The following ELMO1 variants were observed in gnomAD, a reference collection of about 807,000 sequenced individuals.
ELMO1 encodes engulfment and cell motility protein 1.
Under a neutral mutation model 98.9 loss-of-function variants are expected in ELMO1, and 26 were observed. That is an observed-to-expected ratio of 0.26 (90% CI 0.19 to 0.36). The LOEUF (loss-of-function observed/expected upper bound fraction) is 0.36, where lower values mean the gene tolerates loss of function less well. Among genes scored for constraint, ELMO1 ranks in the 10% least tolerant of loss-of-function variants. The probability of loss-of-function intolerance (pLI) is 1.00; values close to 1 mark genes in which losing one functional copy is unlikely to be tolerated. For synonymous variants in ELMO1, 346 were observed against 346.0 expected (o/e 1.00, Z 0.00); for missense variants, 627 against 935.2 (o/e 0.67, Z 4.30).
chr7:37,337,100 C>T (rs1039210397), intron 2 of ELMO1, among the ~76,000 whole-genome samples: 1 of 152,090 alleles, frequency 6.6e-6, no homozygotes, highest in Admixed American at 6.5e-5. Context: ...CACATGCACA[C>T]GTATGTTTAT....
At chr7:37,318,749 G>A (rs1371802193) in intron 2 of ELMO1, among the ~76,000 whole-genome samples, 1 of 152,104 alleles carries the variant, frequency 6.6e-6, no homozygotes, top group East Asian at 1.9e-4. Flanking sequence ...ACATAATGGT[G>A]GGCCCCTCCA....
chr7:37,155,131 C>T (rs1320626234), intron 13 of ELMO1, among the ~76,000 whole-genome samples: 1 of 152,160 alleles, frequency 6.6e-6, no homozygotes, highest in African/African-American at 2.4e-5. Flanking sequence ...CACCACCAGG[C>T]CTGCCTTACA....
intron 2 of ELMO1, among the ~76,000 whole-genome samples, chr7:37,323,232 T>G (rs1799616429): frequency 1.3e-5 from 2 of 152,250 alleles, no homozygotes; most frequent in Admixed American, 1.3e-4. Flanking sequence ...AAGTACCAGG[T>G]GTCAATAGCT....
chr7:37,030,482 T>G (rs1156463417), intron 15 of ELMO1, among the ~76,000 whole-genome samples: 1 of 152,192 alleles, frequency 6.6e-6, no homozygotes, highest in Non-Finnish European at 1.5e-5. Flanking sequence ...ATATCTTATA[T>G]GGTTAATATA....
intron 13 of ELMO1, among the ~76,000 whole-genome samples, chr7:37,145,004 T>C (rs1478128649): frequency 6.6e-6 from 1 of 152,144 alleles, no homozygotes; most frequent in Non-Finnish European, 1.5e-5. Context: ...TCTAGGCTGG[T>C]CTTCTTATTT....
intron 15 of ELMO1, among the ~76,000 whole-genome samples, chr7:37,065,225 G>A (rs1796892787): frequency 6.6e-6 from 1 of 151,576 alleles, no homozygotes; most frequent in African/African-American, 2.4e-5. Flanking sequence ...TGTTGCCCAG[G>A]CTGGTCTTGA....
intron 15 of ELMO1, 111 bp downstream of exon 15, chr7:37,096,508 G>A: frequency 1.2e-6 from 1 of 828,628 alleles, no homozygotes; most frequent in Admixed American, 2.2e-5. Context: ...CCACAGTGAT[G>A]ACCGTAAGAA....
At chr7:37,253,043 G>A (rs1292090319) in intron 6 of ELMO1, among the ~76,000 whole-genome samples, 1 of 152,188 alleles carries the variant, frequency 6.6e-6, no homozygotes. Flanking sequence ...TCTCATGCCA[G>A]TTAGAATGGT....
At chr7:37,386,976 T>C (rs1283972209) in intron 1 of ELMO1, among the ~76,000 whole-genome samples, 2 of 152,226 alleles carry the variant, frequency 1.3e-5, no homozygotes, top group African/African-American at 4.8e-5. Flanking sequence ...AGTAGTTTTG[T>C]TTTGTTTTGT....
chr7:37,027,292 C>T (rs1449713120), intron 15 of ELMO1, among the ~76,000 whole-genome samples: 1 of 152,182 alleles, frequency 6.6e-6, no homozygotes, highest in East Asian at 1.9e-4. Context: ...AATACAGAGA[C>T]ATAGCCCTCC....
intron 1 of ELMO1, among the ~76,000 whole-genome samples, chr7:37,377,339 G>A (rs1715612541): frequency 6.6e-6 from 1 of 151,878 alleles, no homozygotes; most frequent in Non-Finnish European, 1.5e-5. Flanking sequence ...AAGTGAAGGT[G>A]CCAGGCCATG....
chr7:36,897,175 T>C (rs1466078465), intron 16 of ELMO1, among the ~76,000 whole-genome samples: 1 of 152,126 alleles, frequency 6.6e-6, no homozygotes, highest in African/African-American at 2.4e-5. Flanking sequence ...CCAATCAAAA[T>C]CCTTCCCCAG....
At chr7:37,360,549 T>G (rs1344787677) in intron 1 of ELMO1, among the ~76,000 whole-genome samples, 1 of 152,162 alleles carries the variant, frequency 6.6e-6, no homozygotes, top group Non-Finnish European at 1.5e-5. Context: ...TGCATAACTT[T>G]TTAGAGAAAA....
chr7:37,404,730 C>T (rs897648155), intron 1 of ELMO1, among the ~76,000 whole-genome samples: 1 of 152,188 alleles, frequency 6.6e-6, no homozygotes, highest in South Asian at 2.1e-4. Context: ...CACCCCAGTA[C>T]CAAAAGTTTC....
At chr7:36,946,045 A>G (rs553650014) in intron 16 of ELMO1, among the ~76,000 whole-genome samples, 1 of 152,350 alleles carries the variant, frequency 6.6e-6, no homozygotes, top group East Asian at 1.9e-4. Flanking sequence ...GACAGTCTGC[A>G]GGCACAGCAG....
At chr7:37,138,121 G>C (rs138107265) in intron 13 of ELMO1, among the ~76,000 whole-genome samples, 60 of 151,912 alleles carry the variant, frequency 3.9e-4, no homozygotes, top group East Asian at 1.9e-4. Flanking sequence ...TGCCTACATC[G>C]GAAGTCTGAA....
In ELMO1 at chr7:37,367,088, A is replaced by C. The variant is rs907457126; in HGVS notation, c.-73-24325T>G. 3.3e-5 allele frequency among the ~76,000 whole-genome samples: 5 copies of C among 152,136 alleles called. No homozygotes were observed. The East Asian group carries it at 9.6e-4, about 29-fold the overall frequency. On this transcript the variant is annotated intron_variant, in intron 1 of 21. Transcript: ENST00000310758. ...GTTTCTCCTGTCTTGCTCTCTGGTG[A>C]CCACACCTGACTTCTTCAAGTTCCC...
At chr7:36,921,714 T>C (rs1204880346) in intron 16 of ELMO1, among the ~76,000 whole-genome samples, 2 of 152,164 alleles carry the variant, frequency 1.3e-5, no homozygotes, top group Admixed American at 1.3e-4. Flanking sequence ...CCCAAAATGC[T>C]CTTCAGTGAA....
chr7:37,105,788 T>C (rs754029193), intron 14 of ELMO1, among the ~76,000 whole-genome samples: 5 of 152,232 alleles, frequency 3.3e-5, no homozygotes, highest in Non-Finnish European at 5.9e-5. Flanking sequence ...TGTTTTGTTT[T>C]TCCTGTGACT....
Sources: gnomAD v4.1 joint callset for allele counts (sites outside exome capture counted in the v4.1 genomes callset) on GRCh38, gnomAD v4.1.1 for gene constraint, MANE v1.5 for transcripts, NCBI Gene and HGNC (gene_info 2026-07-23, HGNC 2026-07-21) for gene names.